The following MAP7 variants were observed in gnomAD, a reference collection of about 807,000 sequenced individuals.
MAP7 encodes the protein ensconsin.
A neutral mutation model predicts 94.8 loss-of-function variants in MAP7; 52 were observed. That is an observed-to-expected ratio of 0.55 (90% CI 0.44 to 0.69). The LOEUF is 0.69. MAP7 is among the 30% of genes least tolerant of loss of function. The probability of loss-of-function intolerance (pLI) is 0.00; values close to 1 mark genes in which losing one functional copy is unlikely to be tolerated. For missense variants in MAP7, 940 were observed against 964.6 expected, an observed-to-expected ratio of 0.97 and a Z score of 0.34; for synonymous variants, 350 against 357.0, an observed-to-expected ratio of 0.98 and a Z score of 0.22.
At chr6:136,388,262 G>A in intron 5 of MAP7, 131 bp downstream of exon 5, 1 of 733,696 alleles carries the variant, frequency 1.4e-6, no homozygotes, top group Non-Finnish European at 2.3e-6. Flanking sequence ...AATAGTGAAA[G>A]ATTCATTTCA....
In MAP7 at chr6:136,356,849, C is replaced by A. The variant is rs956981212; in HGVS notation, c.1913-55G>T. 29 of 1,419,206 alleles carry A rather than the reference C, an allele frequency of 2.0e-5. No individual in the cohort carries two copies. In the Admixed American group the frequency reaches 5.1e-4, roughly 25 times the overall value. 87.9% of individuals were successfully genotyped at this position (1,419,206 alleles called of 1,614,324 possible). A position where few individuals can be genotyped will look rare whatever the true frequency, so the allele number is the denominator to read the frequency against. Reference sequence around the variant, plus strand: ...GGTTACTAATATTCTTTTCTTAGACCTAACCTCCAAGAGCCAGAATGCCTT... The same window carrying A: ...GGTTACTAATATTCTTTTCTTAGACATAACCTCCAAGAGCCAGAATGCCTT... On this transcript the variant is annotated intron_variant, in intron 15 of 17. Transcript: ENST00000354570.
At chr6:136,426,754 G>T (rs1793288325) in intron 1 of MAP7, among the ~76,000 whole-genome samples, 2 of 152,220 alleles carry the variant, frequency 1.3e-5, no homozygotes, top group Non-Finnish European at 2.9e-5. Flanking sequence ...TATGACAAGA[G>T]AAACTGGCTA....
intron 1 of MAP7, among the ~76,000 whole-genome samples, chr6:136,479,491 C>T (rs1030011829): frequency 6.6e-6 from 1 of 152,130 alleles, no homozygotes; most frequent in African/African-American, 2.4e-5. Flanking sequence ...CAACATAGTA[C>T]TGGAAATCCT....
chr6:136,400,087 C>T (rs1783628193), intron 3 of MAP7, among the ~76,000 whole-genome samples: 1 of 151,582 alleles, frequency 6.6e-6, no homozygotes, highest in Non-Finnish European at 1.5e-5. Flanking sequence ...CAGCCCTGCC[C>T]CTCCTACAAA....
intron 1 of MAP7, among the ~76,000 whole-genome samples, chr6:136,478,244 C>T (rs1424893403): frequency 6.6e-6 from 1 of 151,994 alleles, no homozygotes; most frequent in Non-Finnish European, 1.5e-5. Flanking sequence ...ATAGCAAGAG[C>T]AAACCAAACA....
At chr6:136,369,902 T>G (rs1249384331) in intron 8 of MAP7, among the ~76,000 whole-genome samples, 4 of 152,180 alleles carry the variant, frequency 2.6e-5, no homozygotes, top group Admixed American at 6.5e-5. Context: ...GGCAATAAAG[T>G]GTCAATAAAT....
At chr6:136,478,520 T>C (rs1221710637) in intron 1 of MAP7, among the ~76,000 whole-genome samples, 1 of 151,894 alleles carries the variant, frequency 6.6e-6, no homozygotes, top group East Asian at 1.9e-4. Context: ...GAAGCACTGG[T>C]TTTTTGAAAA....
chr6:136,524,692 C>G (rs1030767035), intron 1 of MAP7, among the ~76,000 whole-genome samples: 2 of 152,194 alleles, frequency 1.3e-5, no homozygotes, highest in African/African-American at 4.8e-5. Flanking sequence ...TTAATGTAGA[C>G]AGTTTCAATT....
intron 16 of MAP7, among the ~76,000 whole-genome samples, chr6:136,351,315 A>G (rs1377002057): frequency 6.6e-6 from 1 of 152,182 alleles, no homozygotes; most frequent in Non-Finnish European, 1.5e-5. Context: ...CCAGGAACAA[A>G]CCAAAAGCAT....
intron 6 of MAP7, among the ~76,000 whole-genome samples, chr6:136,381,919 C>CACACAGAGAGAG (rs373754692): frequency 9.7e-6 from 1 of 102,976 alleles, no homozygotes; most frequent in African/African-American, 3.8e-5. Context: ...CACACACACA[C>CACACAGAGAGAG]AGAGAGAGAG....
chr6:136,523,701 AGTAT>A (rs1394481006), intron 1 of MAP7, among the ~76,000 whole-genome samples: 2 of 152,158 alleles, frequency 1.3e-5, no homozygotes, highest in African/African-American at 4.8e-5. Flanking sequence ...TTTTTCTCCC[AGTAT>A]TCCTCCAATA....
At chr6:136,456,806 AGAAGAAGAAGAAGAAG>A (rs1301246132) in intron 1 of MAP7, among the ~76,000 whole-genome samples, 2 of 76,534 alleles carry the variant, frequency 2.6e-5, no homozygotes, top group Non-Finnish European at 5.9e-5. Flanking sequence ...AAGAAGAAGA[AGAAGAAGAAGAAGAAG>A]GAAGAAGAAG....
At chr6:136,364,049 G>A (rs1442005633) in intron 10 of MAP7, 3 of 260,310 alleles carry the variant, frequency 1.2e-5, no homozygotes, top group Non-Finnish European at 2.3e-5. Context: ...GGAATGTAGG[G>A]CCACATTGAA....
chr6:136,449,731 G>A (rs1160141291), intron 1 of MAP7, among the ~76,000 whole-genome samples: 1 of 152,196 alleles, frequency 6.6e-6, no homozygotes, highest in Non-Finnish European at 1.5e-5. Flanking sequence ...TTAAAGGGGG[G>A]CAGAAGTATG....
intron 10 of MAP7, among the ~76,000 whole-genome samples, chr6:136,365,477 C>T (rs984585497): frequency 1.2e-4 from 19 of 152,162 alleles, no homozygotes; most frequent in South Asian, 2.1e-4. Flanking sequence ...ACACAGGCTA[C>T]GCCAGGGGTC....
rs187911155 is a variant in MAP7, at chr6:136,382,750, C to A, written c.637+921G>T. On this transcript the variant is annotated intron_variant, in intron 6 of 17. Transcript: ENST00000354570. ...TACAAAATATATAAATATACATACA[C>A]ACATACAGAACATGCACACATTACA... 1.3e-4 allele frequency among the ~76,000 whole-genome samples: 20 copies of A among 152,264 alleles called. No individual in the cohort carries two copies. In the East Asian group the frequency reaches 3.9e-3, roughly 29 times the overall value.
At chr6:136,352,498 A>G (rs1176363512) in intron 16 of MAP7, among the ~76,000 whole-genome samples, 1 of 152,144 alleles carries the variant, frequency 6.6e-6, no homozygotes, top group Non-Finnish European at 1.5e-5. Context: ...TAAATTCTTT[A>G]GAATTCTCTT....
intron 1 of MAP7, among the ~76,000 whole-genome samples, chr6:136,434,946 C>G (rs1364782427): frequency 6.6e-6 from 1 of 152,178 alleles, no homozygotes; most frequent in African/African-American, 2.4e-5. Flanking sequence ...TAAGTATTTT[C>G]ATTTAAAGTA....
At chr6:136,540,501 A>T (rs957195371) in intron 1 of MAP7, among the ~76,000 whole-genome samples, 4 of 152,226 alleles carry the variant, frequency 2.6e-5, no homozygotes, top group Admixed American at 6.5e-5. Context: ...ACATGTGGAC[A>T]CTGAGTATAT....
Sources: allele counts gnomAD v4.1 joint callset (sites outside exome capture counted in the v4.1 genomes callset), GRCh38; gene constraint gnomAD v4.1.1; transcripts MANE v1.5; gene names NCBI Gene and HGNC (gene_info 2026-07-23, HGNC 2026-07-21).